The following LARS2 variants were observed in gnomAD, a reference collection of about 807,000 sequenced individuals.
LARS2 encodes leucyl-tRNA synthetase 2, mitochondrial, also known as leucine--tRNA ligase, mitochondrial.
LARS2 carries 81 observed loss-of-function variants against 116.6 expected under a neutral mutation model. The observed-to-expected ratio is 0.69, with a 90% CI of 0.58 to 0.84. The LOEUF is 0.84. LARS2 is among the 40% of genes least tolerant of loss of function. LARS2 has a pLI of 0.00. For synonymous variants in LARS2, 396 were observed against 407.2 expected, an observed-to-expected ratio of 0.97 and a Z score of 0.33; for missense variants, 968 against 1,114.5, an observed-to-expected ratio of 0.87 and a Z score of 1.87.
chr3:45,493,928 C>T (rs1699967027), intron 13 of LARS2, among the ~76,000 whole-genome samples: 1 of 152,118 alleles, frequency 6.6e-6, no homozygotes, highest in African/African-American at 2.4e-5. Context: ...ACCTCACTTG[C>T]ACAAGGTAAG....
chr3:45,483,803 C>T (rs1334027725), intron 10 of LARS2, among the ~76,000 whole-genome samples: 2 of 152,156 alleles, frequency 1.3e-5, no homozygotes, highest in East Asian at 1.9e-4. Context: ...GGCTGCATTT[C>T]ACTGTTTCCC....
chr3:45,457,796 C>T (rs1006237539), intron 7 of LARS2, among the ~76,000 whole-genome samples: 11 of 152,148 alleles, frequency 7.2e-5, no homozygotes, highest in Non-Finnish European at 1.5e-4. Context: ...GTCATAAAGG[C>T]GTGAATGTAG....
At chr3:45,516,786 A>G (rs773628818) in intron 17 of LARS2, among the ~76,000 whole-genome samples, 168 of 152,248 alleles carry the variant, frequency 1.1e-3, no homozygotes, top group Non-Finnish European at 1.8e-3. Flanking sequence ...GCCTGTTGTT[A>G]CCTATGGCCT....
At chr3:45,451,128 A>G (rs1414275172) in intron 7 of LARS2, among the ~76,000 whole-genome samples, 1 of 151,972 alleles carries the variant, frequency 6.6e-6, no homozygotes, top group Non-Finnish European at 1.5e-5. Context: ...TAATTTGCGA[A>G]TATTTTTTCC....
intron 19 of LARS2, among the ~76,000 whole-genome samples, chr3:45,520,629 G>A (rs547795017): frequency 3.9e-5 from 6 of 152,022 alleles, no homozygotes; most frequent in Non-Finnish European, 5.9e-5. Context: ...TTGCACCCCC[G>A]CTGTCTGATT....
In LARS2 at chr3:45,485,458, G is replaced by A. The variant is rs372420551; in HGVS notation, c.1019-234G>A. On this transcript the variant is annotated intron_variant, in intron 10 of 21. Transcript: ENST00000645846. Reference sequence around the variant, plus strand: ...TACTCCACATCTGGAAAGCAAAAATGTTTTTTCACTTTTCATGAGCATGGA... The same window carrying A: ...TACTCCACATCTGGAAAGCAAAAATATTTTTTCACTTTTCATGAGCATGGA... Among the ~76,000 whole-genome samples the A allele has an allele frequency of 2.5e-3, 378 of 152,300 alleles. 12 individuals carry two copies. The South Asian group carries it at 0.07, about 28-fold the overall frequency.
intron 6 of LARS2, among the ~76,000 whole-genome samples, chr3:45,429,698 C>CTTTTT (rs35874596): frequency 3.7e-4 from 40 of 108,126 alleles, no homozygotes; most frequent in Admixed American, 3.5e-4. Context: ...CATCCTTCTG[C>CTTTTT]TTTTTTTTTT....
intron 8 of LARS2, among the ~76,000 whole-genome samples, chr3:45,463,742 GA>G (rs1317470719): frequency 1.3e-5 from 2 of 152,010 alleles, no homozygotes; most frequent in African/African-American, 4.8e-5. Flanking sequence ...AATACAGACA[GA>G]GCAGCTGAGG....
chr3:45,542,177 ACT>A (rs1378964650), intron 21 of LARS2, among the ~76,000 whole-genome samples: 2 of 151,750 alleles, frequency 1.3e-5, no homozygotes, highest in Admixed American at 6.6e-5. Flanking sequence ...TGAGCATAAA[ACT>A]CTCATGGCCC....
At chr3:45,541,985 C>T in intron 21 of LARS2, 29 bp downstream of exon 21, 1 of 1,612,502 alleles carries the variant, frequency 6.2e-7, no homozygotes, top group Non-Finnish European at 8.5e-7. Flanking sequence ...CCCCAGAACC[C>T]AGCAGTCCCT....
At chr3:45,487,898 T>A (rs1344436737) in intron 11 of LARS2, among the ~76,000 whole-genome samples, 1 of 152,156 alleles carries the variant, frequency 6.6e-6, no homozygotes, top group African/African-American at 2.4e-5. Context: ...AAAGAATAAA[T>A]GTCTACTTAG....
At chr3:45,488,916 T>TA in intron 12 of LARS2, 104 bp downstream of exon 12, 1 of 777,406 alleles carries the variant, frequency 1.3e-6, no homozygotes, top group East Asian at 2.4e-5. Flanking sequence ...CTCGTCCCCA[T>TA]ACCTAACAGC....
At chr3:45,522,939 T>G (rs1465207393) in intron 19 of LARS2, among the ~76,000 whole-genome samples, 1 of 152,202 alleles carries the variant, frequency 6.6e-6, no homozygotes, top group Non-Finnish European at 1.5e-5. Flanking sequence ...AGTGTTCATA[T>G]GGCAAGAATA....
intron 12 of LARS2, 25 bp from the exon 13 acceptor site, chr3:45,491,492 G>A (rs774349194): frequency 6.2e-7 from 1 of 1,611,016 alleles, no homozygotes; most frequent in Admixed American, 1.7e-5. Context: ...GGAGAGGAGT[G>A]AGCTTTCTTT....
intron 15 of LARS2, among the ~76,000 whole-genome samples, chr3:45,508,031 C>G (rs1700225224): frequency 6.6e-6 from 1 of 152,052 alleles, no homozygotes; most frequent in South Asian, 2.1e-4. Flanking sequence ...CCCATCTTCA[C>G]TGAATGAGAT....
chr3:45,494,522 A>C (rs559786262), intron 13 of LARS2, among the ~76,000 whole-genome samples: 1 of 152,294 alleles, frequency 6.6e-6, no homozygotes, highest in South Asian at 2.1e-4. Context: ...CTTCACATCC[A>C]TGCCTTAGAA....
At chr3:45,435,176 C>T (rs1448447227) in intron 6 of LARS2, among the ~76,000 whole-genome samples, 1 of 152,144 alleles carries the variant, frequency 6.6e-6, no homozygotes, top group Non-Finnish European at 1.5e-5. Context: ...GAATTCCTGC[C>T]TCTCCATTCG....
Position 45,520,310 on chromosome 3 carries a change from C to A in LARS2, c.2292+14C>A, listed in dbSNP as rs773975226. ...AATGCCCTCTCGGTAAGTGGCCTGT[C>A]CTCATTTGCTGGTAGCAGAGGAGGG... On this transcript the variant is annotated intron_variant, in intron 19 of 21. Coordinates refer to ENST00000645846, the MANE Select transcript of LARS2 (RefSeq NM_015340.4). 1.0e-5 allele frequency: 16 copies of A among 1,604,866 alleles called. No individual in the cohort carries two copies. The highest frequency in any genetic ancestry group is 1.4e-5 in the Non-Finnish European group (16 of 1,171,880).
intron 8 of LARS2, among the ~76,000 whole-genome samples, chr3:45,472,990 T>C (rs1441387450): frequency 6.6e-6 from 1 of 152,216 alleles, no homozygotes; most frequent in African/African-American, 2.4e-5. Context: ...ATTCTCTCCC[T>C]TGAGTACAGG....
Sources: gnomAD v4.1 joint callset for allele counts (sites outside exome capture counted in the v4.1 genomes callset) on GRCh38, gnomAD v4.1.1 for gene constraint, MANE v1.5 for transcripts, NCBI Gene and HGNC (gene_info 2026-07-23, HGNC 2026-07-21) for gene names.